SS18L1: variants seen among roughly 807,000 people sequenced by gnomAD.
SS18L1 encodes SS18L1 subunit of BAF chromatin remodeling complex, also known as calcium-responsive transactivator.
Under a neutral mutation model 70.3 loss-of-function variants are expected in SS18L1, and 32 were observed. That is an observed-to-expected ratio of 0.46 (90% CI 0.34 to 0.61). The LOEUF is 0.61. SS18L1 is among the 20% of genes least tolerant of loss of function. SS18L1 has a pLI of 0.01. For missense variants in SS18L1, 430 were observed against 542.1 expected (o/e 0.79, Z 2.05); for synonymous variants, 237 against 229.7 (o/e 1.03, Z -0.29).
rs79279171 is a variant in SS18L1 at position 62,157,725 on chromosome 20, G to A, written c.70-947G>A. The stretch of plus-strand genomic sequence containing the variant: ...GACACGGAAGGTTCAAGACGGGACC[G>A]GCCTTCCCTGTGTGGCCTGTGGGCC... On this transcript the variant is annotated intron_variant, in intron 1 of 10. Coordinates refer to ENST00000331758, the MANE Select transcript of SS18L1 (RefSeq NM_198935.3). Among the ~76,000 whole-genome samples, 454 of 152,292 alleles carry A rather than the reference G, an allele frequency of 3.0e-3. 6 individuals are homozygous for A. The East Asian group carries it at 0.048, about 16-fold the overall frequency.
chr20:62,164,097 G>A (rs1184703004), intron 6 of SS18L1, 48 bp from the exon 7 acceptor site: 1 of 1,513,430 alleles, frequency 6.6e-7, no homozygotes. Flanking sequence ...GGTCCTCTGA[G>A]GGAGGAGGGC....
At chr20:62,144,583 G>T (rs1175009761) in intron 1 of SS18L1, among the ~76,000 whole-genome samples, 1 of 152,216 alleles carries the variant, frequency 6.6e-6, no homozygotes, top group African/African-American at 2.4e-5. Context: ...TGACACCCTC[G>T]CCAGCCGCCT....
chr20:62,176,927 G>A (rs988852959), intron 10 of SS18L1, among the ~76,000 whole-genome samples: 5 of 152,322 alleles, frequency 3.3e-5, no homozygotes, highest in African/African-American at 4.8e-5. Flanking sequence ...TGGCCGTGGC[G>A]CTTTGGCACA....
intron 10 of SS18L1, among the ~76,000 whole-genome samples, chr20:62,175,092 C>T (rs1247625672): frequency 4.6e-5 from 7 of 152,294 alleles, no homozygotes; most frequent in Admixed American, 3.3e-4. Flanking sequence ...CAGATGGGGG[C>T]GCAGGCGACC....
intron 1 of SS18L1, among the ~76,000 whole-genome samples, chr20:62,147,282 G>A (rs2057048194): frequency 6.6e-6 from 1 of 152,196 alleles, no homozygotes; most frequent in Admixed American, 6.5e-5. Context: ...GAACTGCTCT[G>A]TGGCAAGCAC....
At chr20:62,164,007 G>A (rs2057380586) in intron 6 of SS18L1, 138 bp from the exon 7 acceptor site, 2 of 702,426 alleles carry the variant, frequency 2.8e-6, no homozygotes, top group East Asian at 5.5e-5. Context: ...ACATAAGTTG[G>A]ATACGATGAC....
rs1328326043 is a variant in SS18L1, at chr20:62,180,980, AT to A, written c.*1773del. ...GTGCTTTAGAATTTATAAGTCACTT[AT>A]GTGTTTTGCTTGAATTAATTCTGAC... is the stretch of plus-strand genomic sequence containing the variant. On this transcript the variant is annotated 3_prime_UTR_variant, in exon 11 of 11. Coordinates refer to ENST00000331758, the MANE Select transcript of SS18L1 (RefSeq NM_198935.3). 2 of 181,318 alleles carry A rather than the reference AT, an allele frequency of 1.1e-5. No individual in the cohort carries two copies. Among genetic ancestry groups the A allele is most frequent in the Non-Finnish European group, 2.4e-5 (2 of 84,998 alleles). 11.2% of individuals were successfully genotyped at this position (181,318 alleles called of 1,614,324 possible). A position where few individuals can be genotyped will look rare whatever the true frequency, so the allele number is the denominator to read the frequency against.
At chr20:62,154,245 C>T in intron 1 of SS18L1, 2 of 875,752 alleles carry the variant, frequency 2.3e-6, no homozygotes, top group Non-Finnish European at 2.8e-6. Flanking sequence ...TTGAGAACCA[C>T]TTGTTCATCT....
intron 1 of SS18L1, among the ~76,000 whole-genome samples, chr20:62,154,704 T>C (rs575499150): frequency 6.6e-5 from 10 of 152,326 alleles, no homozygotes; most frequent in African/African-American, 1.9e-4. Flanking sequence ...TTAGGATCTT[T>C]CTTTGTCCCT....
In SS18L1 at chr20:62,143,778, G is replaced by A. The variant is rs749877566; in HGVS notation, c.-43G>A. 3.8e-6 allele frequency: 5 copies of A among 1,329,496 alleles called. No individual in the cohort carries two copies. The highest frequency in any genetic ancestry group is 4.4e-5 in the East Asian group (1 of 22,880). The allele number at this position is 1,329,496 out of a possible 1,614,324, so 82.4% of individuals were successfully genotyped here. On this transcript the variant is annotated 5_prime_UTR_variant, in exon 1 of 11. Transcript: ENST00000331758. Reference sequence around the variant, plus strand: ...CCTCGGGCCGCCCAGCGCAGCCGGAGTATCCACCTCGATGACCACGGGCTG... The same window carrying A: ...CCTCGGGCCGCCCAGCGCAGCCGGAATATCCACCTCGATGACCACGGGCTG...
rs905144073 is a variant in SS18L1 at position 62,152,610 on chromosome 20, G to A, written c.70-6062G>A. On this transcript the variant is annotated intron_variant, in intron 1 of 10. Transcript: ENST00000331758. ...GAAACAGTGTCTGCAGAAGACAGCA[G>A]TAAATACAGAAGATCTAGAACGCTC... Among the ~76,000 whole-genome samples, 6 of 152,296 alleles carry A rather than the reference G, an allele frequency of 3.9e-5. No homozygotes were observed. The Middle Eastern group carries it at 0.01, about 259-fold the overall frequency.
rs749164585 is a variant in SS18L1, at chr20:62,162,928, C to T, written c.553C>T (p.Pro185Ser). Reference sequence around the variant, plus strand: ...GACCAACATCAACATGCAGTCCAACCCAGGTACCTACTCTGCCTCTGCAAC... The same window carrying T: ...GACCAACATCAACATGCAGTCCAACTCAGGTACCTACTCTGCCTCTGCAAC... Reference protein sequence around the residue: ...SRTNINMQSNPVSMMQQQAAT... With the variant: ...SRTNINMQSNSVSMMQQQAAT... The change falls in exon 5 of 11, where the codon CCA (proline) becomes TCA (serine). Residue 185 changes from proline to serine, a missense_variant. Physicochemically the swap from Pro to Ser is moderately conservative, Grantham distance 74. Coordinates refer to ENST00000331758, the MANE Select transcript of SS18L1 (RefSeq NM_198935.3). The T allele has an allele frequency of 2.7e-5, 43 of 1,611,244 alleles. No homozygotes were observed. The highest frequency in any genetic ancestry group is 3.6e-5 in the Non-Finnish European group (42 of 1,179,646).
Position 62,158,754 on chromosome 20 carries a change from T to G in SS18L1, c.146+6T>G. 1 of 1,612,912 alleles carries G rather than the reference T, an allele frequency of 6.2e-7. No homozygotes were observed. Among genetic ancestry groups the G allele is most frequent in the East Asian group, 2.2e-5 (1 of 44,874 alleles). On this transcript the variant is annotated splice_donor_region_variant and intron_variant, in intron 2 of 10. Coordinates refer to ENST00000331758, the MANE Select transcript of SS18L1 (RefSeq NM_198935.3). This position sits in a 1 kb window ranked among gnomAD's most constrained non-coding sequence, Gnocchi z 4.5. ...AAGACGGCCGAGTGCACGCAGTGAG[T>G]GCCCGCCATACACCGGAACACTTGG...
At position 62,162,882 on chromosome 20, in the gene SS18L1, C is replaced by A. The variant is rs770967845; in HGVS notation, c.507C>A (p.Thr169=). 6.2e-7 allele frequency: 1 copy of A among 1,612,918 alleles called. No homozygotes were observed. Among genetic ancestry groups the A allele is most frequent in the Non-Finnish European group, 8.5e-7 (1 of 1,179,952 alleles). ...GCGTCCCCATGCAGGGGCAAGGCAC[C>A]ATCGGCAACTACGTGTCTCGGACCA... ...SQGVPMQGQG[T]IGNYVSRTNI... is the part of the protein sequence containing the mutation. The change falls in exon 5 of 11, where the codon ACC becomes ACA. Residue 169 remains threonine (T), a synonymous_variant. Transcript: ENST00000331758.
Position 62,164,224 on chromosome 20 carries a change from G to C in SS18L1, c.801G>C (p.Met267Ile). 6.5e-7 allele frequency: 1 copy of C among 1,549,588 alleles called. No homozygotes were observed. The highest frequency in any genetic ancestry group is 1.2e-5 in the South Asian group (1 of 84,000). The change falls in exon 7 of 11, where the codon ATG becomes ATC. Residue 267 changes from methionine (M) to isoleucine (I), a missense_variant. Transcript: ENST00000331758. ...YSHSQGAAEP[M>I]GQQYYPDGHG... is the part of the protein sequence containing the mutation. ...ACAGCCAGGGCGCCGCGGAGCCCAT[G>C]GGCCAGCAGTACTACCCCGACGGTG...
At chr20:62,153,472 G>T (rs960777517) in intron 1 of SS18L1, among the ~76,000 whole-genome samples, 2 of 151,890 alleles carry the variant, frequency 1.3e-5, no homozygotes, top group African/African-American at 4.8e-5. Context: ...AGGGAGAACA[G>T]GTCACCCGAT....
chr20:62,164,299 G>A (rs2057388466), intron 7 of SS18L1, 53 bp downstream of exon 7: 9 of 901,234 alleles, frequency 1.0e-5, no homozygotes, highest in Non-Finnish European at 1.5e-6. Flanking sequence ...CAGCTGCAGG[G>A]GCAAGGAGGG....
chr20:62,165,328 G>A (rs1352425266), intron 7 of SS18L1, 94 bp from the exon 8 acceptor site: 5 of 1,286,444 alleles, frequency 3.9e-6, no homozygotes, highest in Middle Eastern at 4.2e-4. Flanking sequence ...TCCCTGGCCA[G>A]ACAACATCTC....
At position 62,179,687 on chromosome 20, in the gene SS18L1, G is replaced by C. The variant is rs1489343968; in HGVS notation, c.*479G>C. On this transcript the variant is annotated 3_prime_UTR_variant, in exon 11 of 11. Coordinates refer to ENST00000331758, the MANE Select transcript of SS18L1 (RefSeq NM_198935.3). ...ACAGCTGGACACACATGCAGCCCCT[G>C]GAGGGCAGCCTCTTCCTGTGCCTCG... The C allele has an allele frequency of 9.0e-6, 2 of 222,340 alleles. No individual in the cohort carries two copies. Among genetic ancestry groups the C allele is most frequent in the Non-Finnish European group, 1.8e-5 (2 of 111,890 alleles). 13.8% of individuals were successfully genotyped at this position (222,340 alleles called of 1,614,324 possible). A position where few individuals can be genotyped will look rare whatever the true frequency, so the allele number is the denominator to read the frequency against.
Sources: allele counts gnomAD v4.1 joint callset (sites outside exome capture counted in the v4.1 genomes callset), GRCh38; gene constraint gnomAD v4.1.1; non-coding constraint Gnocchi (gnomAD v3.1); transcripts MANE v1.5; gene names NCBI Gene and HGNC (gene_info 2026-07-23, HGNC 2026-07-21).